Variants in CA10 observed in about 807,000 individuals in gnomAD.
CA10 encodes carbonic anhydrase 10 (inactive), also known as carbonic anhydrase-related protein 10.
Under a neutral mutation model 44.2 loss-of-function variants are expected in CA10, and 14 were observed. The observed-to-expected ratio is 0.32, with a 90% confidence interval of 0.21 to 0.50. CA10 has a LOEUF of 0.50. CA10 is among the 20% of genes least tolerant of loss of function. The probability of loss-of-function intolerance (pLI) is 0.99; values close to 1 mark genes in which losing one functional copy is unlikely to be tolerated. For missense variants in CA10, 350 were observed against 409.7 expected, an observed-to-expected ratio of 0.85 and a Z score of 1.26; for synonymous variants, 159 against 141.6, an observed-to-expected ratio of 1.12 and a Z score of -0.87.
intron 3 of CA10, among the ~76,000 whole-genome samples, chr17:51,823,369 C>T (rs373213130): frequency 2.0e-5 from 3 of 152,288 alleles, no homozygotes; most frequent in South Asian, 2.1e-4. Context: ...CAGCCAAGGG[C>T]GACGGCTTTG....
intron 2 of CA10, among the ~76,000 whole-genome samples, chr17:52,052,885 A>T (rs1226764224): frequency 6.6e-6 from 1 of 151,974 alleles, no homozygotes; most frequent in Non-Finnish European, 1.5e-5. Context: ...AACCGTGTAA[A>T]GGGCCTTCCA....
intron 2 of CA10, among the ~76,000 whole-genome samples, chr17:51,978,135 G>A (rs537308796): frequency 1.0e-3 from 153 of 152,094 alleles, no homozygotes; most frequent in African/African-American, 3.4e-3. Flanking sequence ...TCTTATCAAA[G>A]TCTCAGAAGC....
chr17:51,825,269 G>A (rs1283639069), intron 3 of CA10, among the ~76,000 whole-genome samples: 3 of 152,124 alleles, frequency 2.0e-5, no homozygotes, highest in African/African-American at 7.2e-5. Context: ...TGTGTCAAAA[G>A]CTGAAGTTAA....
chr17:51,779,440 C>T (rs1312662696), intron 3 of CA10, among the ~76,000 whole-genome samples: 2 of 152,126 alleles, frequency 1.3e-5, no homozygotes, highest in Non-Finnish European at 2.9e-5. Context: ...TGCAATGATT[C>T]ACACAGGGTT....
At chr17:51,673,268 C>T (rs1914492552) in intron 4 of CA10, among the ~76,000 whole-genome samples, 1 of 152,148 alleles carries the variant, frequency 6.6e-6, no homozygotes. Context: ...CAAGGGATGG[C>T]CCCAGGCAAT....
rs74762694 is a variant in CA10 at position 52,084,617 on chromosome 17, A to G, written c.62-12224T>C. ...TCTCAAATTTATATTCCCCACCTGG[A>G]TTTTTTATTCCAGTTCCATGCAAGC... On this transcript the variant is annotated intron_variant, in intron 1 of 8. Coordinates refer to ENST00000451037, the MANE Select transcript of CA10 (RefSeq NM_020178.5). Among the ~76,000 whole-genome samples the G allele has an allele frequency of 2.3e-3, 343 of 152,202 alleles. 4 individuals carry two copies. Among genetic ancestry groups the G allele is most frequent in the African/African-American group, 8.0e-3 (333 of 41,508 alleles).
chr17:51,692,236 G>GTTT (rs34052168), intron 4 of CA10, among the ~76,000 whole-genome samples: 11 of 128,218 alleles, frequency 8.6e-5, no homozygotes, highest in East Asian at 6.9e-4. Flanking sequence ...TATTCTTAGG[G>GTTT]TTTTTTTTTT....
At chr17:51,881,727 T>C (rs538538360) in intron 3 of CA10, among the ~76,000 whole-genome samples, 3 of 152,314 alleles carry the variant, frequency 2.0e-5, no homozygotes, top group South Asian at 2.1e-4. Context: ...ATTTTTCCCA[T>C]ATTAAGTTGT....
chr17:51,872,793 A>G (rs1397774923), intron 3 of CA10, among the ~76,000 whole-genome samples: 2 of 152,236 alleles, frequency 1.3e-5, no homozygotes, highest in African/African-American at 2.4e-5. Context: ...AAAGGCTACA[A>G]ATTAGGACTC....
intron 2 of CA10, among the ~76,000 whole-genome samples, chr17:52,010,145 G>A (rs1269977906): frequency 2.6e-5 from 4 of 151,962 alleles, no homozygotes; most frequent in East Asian, 3.9e-4. Context: ...CTTTTACACC[G>A]TTGGTGGGAA....
chr17:51,739,369 G>A (rs1904369090), intron 4 of CA10, among the ~76,000 whole-genome samples: 1 of 152,068 alleles, frequency 6.6e-6, no homozygotes, highest in African/African-American at 2.4e-5. Context: ...CATGGTGACA[G>A]GTCTGAGGCA....
At chr17:51,980,687 T>C (rs1984624233) in intron 2 of CA10, among the ~76,000 whole-genome samples, 1 of 152,118 alleles carries the variant, frequency 6.6e-6, no homozygotes, top group South Asian at 2.1e-4. Flanking sequence ...CTTGAGTTGG[T>C]TTTTGTATAT....
At chr17:52,149,543 CCT>C (rs1308054816) in intron 1 of CA10, among the ~76,000 whole-genome samples, 2 of 152,140 alleles carry the variant, frequency 1.3e-5, no homozygotes, top group East Asian at 3.9e-4. Flanking sequence ...CACCCCAACC[CCT>C]GACTGCTGGA....
At chr17:51,721,602 T>C (rs545672567) in intron 4 of CA10, among the ~76,000 whole-genome samples, 1 of 152,056 alleles carries the variant, frequency 6.6e-6, no homozygotes, top group Admixed American at 6.5e-5. Flanking sequence ...CCCAAAGTGT[T>C]GGGATTACAA....
chr17:52,103,974 C>T (rs1988599191), intron 1 of CA10, among the ~76,000 whole-genome samples: 3 of 152,214 alleles, frequency 2.0e-5, no homozygotes, highest in Admixed American at 2.0e-4. Flanking sequence ...TCTGCAGAAC[C>T]TAAAGTTCTG....
intron 3 of CA10, among the ~76,000 whole-genome samples, chr17:51,781,310 G>A (rs1906049652): frequency 6.6e-6 from 1 of 152,226 alleles, no homozygotes; most frequent in Non-Finnish European, 1.5e-5. Flanking sequence ...CATTTACTGA[G>A]TGTTGTAAAA....
At chr17:51,822,061 C>A (rs976574594) in intron 3 of CA10, among the ~76,000 whole-genome samples, 1 of 152,114 alleles carries the variant, frequency 6.6e-6, no homozygotes, top group African/African-American at 2.4e-5. Flanking sequence ...CCTAGACTAT[C>A]CTTTCTACAG....
chr17:51,988,260 G>A (rs1984915470), intron 2 of CA10, among the ~76,000 whole-genome samples: 1 of 151,964 alleles, frequency 6.6e-6, no homozygotes. Context: ...TTGGGTTTTA[G>A]ACACAAACTT....
intron 8 of CA10, among the ~76,000 whole-genome samples, chr17:51,632,104 A>G (rs1912606796): frequency 6.6e-6 from 1 of 152,238 alleles, no homozygotes; most frequent in South Asian, 2.1e-4. Flanking sequence ...ATACCCATTC[A>G]TTTAGATATT....
Sources: allele counts gnomAD v4.1 joint callset (sites outside exome capture counted in the v4.1 genomes callset), GRCh38; gene constraint gnomAD v4.1.1; transcripts MANE v1.5; gene names NCBI Gene and HGNC (gene_info 2026-07-23, HGNC 2026-07-21).